The following SRGAP3 variants were observed in gnomAD, a reference collection of about 807,000 sequenced individuals.
The protein encoded by SRGAP3 is SLIT-ROBO Rho GTPase-activating protein 3.
A neutral mutation model predicts 121.1 loss-of-function variants in SRGAP3; 39 were observed. The ratio of observed to expected loss-of-function variants is 0.32; its 90% CI spans 0.25 to 0.42. SRGAP3 has a LOEUF of 0.42. Ranked by LOEUF, SRGAP3 falls within the 10% of genes least tolerant of loss-of-function variation. SRGAP3 has a pLI of 1.00. For missense variants in SRGAP3, 1,213 were observed against 1,470.6 expected, an observed-to-expected ratio of 0.82 and a Z score of 2.86; for synonymous variants, 601 against 570.0, an observed-to-expected ratio of 1.05 and a Z score of -0.77.
intron 1 of SRGAP3, among the ~76,000 whole-genome samples, chr3:9,238,793 C>T (rs1202344467): frequency 6.6e-6 from 1 of 152,122 alleles, no homozygotes; most frequent in African/African-American, 2.4e-5. Context: ...TCCCTCATGG[C>T]CCAGTGTGGT....
intron 1 of SRGAP3, among the ~76,000 whole-genome samples, chr3:9,142,887 G>T (rs1218390459): frequency 1.6e-5 from 2 of 124,996 alleles, no homozygotes; most frequent in Non-Finnish European, 3.2e-5. Context: ...ACCCAGCCTG[G>T]AGTATAGTGG....
At chr3:8,999,545 C>T (rs1023670042) in intron 18 of SRGAP3, among the ~76,000 whole-genome samples, 1 of 152,218 alleles carries the variant, frequency 6.6e-6, no homozygotes, top group African/African-American at 2.4e-5. Flanking sequence ...CTGCCTACCC[C>T]ACCCCCTACT....
chr3:9,043,810 C>T (rs976693608), intron 10 of SRGAP3, among the ~76,000 whole-genome samples: 3 of 152,154 alleles, frequency 2.0e-5, no homozygotes, highest in Non-Finnish European at 4.4e-5. Context: ...AAAGGTCATG[C>T]TCCTTCCCTT....
At chr3:9,099,196 C>T (rs1033291821) in intron 3 of SRGAP3, among the ~76,000 whole-genome samples, 1 of 152,184 alleles carries the variant, frequency 6.6e-6, no homozygotes, top group Non-Finnish European at 1.5e-5. Flanking sequence ...AACGAGAAAA[C>T]TCACTCAAGA....
At chr3:9,100,550 A>G (rs1948176686) in intron 3 of SRGAP3, among the ~76,000 whole-genome samples, 1 of 152,152 alleles carries the variant, frequency 6.6e-6, no homozygotes, top group Non-Finnish European at 1.5e-5. Context: ...AATCACTCAA[A>G]TAAGGACACC....
intron 1 of SRGAP3, among the ~76,000 whole-genome samples, chr3:9,360,642 C>T (rs1036802421): frequency 6.6e-6 from 1 of 152,176 alleles, no homozygotes; most frequent in Admixed American, 6.5e-5. Flanking sequence ...GTGAAAGGCA[C>T]TTCTTACATG....
At chr3:9,015,550 A>G in intron 15 of SRGAP3, 47 bp downstream of exon 15, 1 of 1,611,608 alleles carries the variant, frequency 6.2e-7, no homozygotes, top group South Asian at 1.1e-5. Flanking sequence ...CTCAACTCCA[A>G]CAATGATTTG....
Position 9,211,803 on chromosome 3 carries a change from G to A in SRGAP3, c.67+37082C>T, listed in dbSNP as rs146175134. 9.9e-5 allele frequency among the ~76,000 whole-genome samples: 15 copies of A among 151,886 alleles called. No individual in the cohort carries two copies. The East Asian group carries it at 2.5e-3, about 26-fold the overall frequency. ...CCTTCCTCTCACATCAGCATCCTGA[G>A]TAGCTGGGACTACAGGTGCTCATCA... On this transcript the variant is annotated intron_variant, in intron 1 of 21. Coordinates refer to ENST00000383836, the MANE Select transcript of SRGAP3 (RefSeq NM_014850.4).
chr3:9,166,872 T>C (rs973326770), intron 1 of SRGAP3, among the ~76,000 whole-genome samples: 2 of 152,108 alleles, frequency 1.3e-5, no homozygotes, highest in Non-Finnish European at 2.9e-5. Flanking sequence ...CAAACTGTCT[T>C]CCATTCCATC....
At chr3:9,353,390 C>G (rs1335905193) in intron 1 of SRGAP3, among the ~76,000 whole-genome samples, 1 of 152,256 alleles carries the variant, frequency 6.6e-6, no homozygotes, top group African/African-American at 2.4e-5. Flanking sequence ...AGCTCATGAC[C>G]TTCTTCCAGT....
chr3:8,989,687 A>C (rs1446075510), intron 21 of SRGAP3, among the ~76,000 whole-genome samples: 1 of 152,154 alleles, frequency 6.6e-6, no homozygotes, highest in Non-Finnish European at 1.5e-5. Context: ...CTGTCAAAAA[A>C]CCCATGAAAC....
At chr3:9,052,746 T>C (rs1216577713) in intron 9 of SRGAP3, among the ~76,000 whole-genome samples, 1 of 152,210 alleles carries the variant, frequency 6.6e-6, no homozygotes, top group Non-Finnish European at 1.5e-5. Context: ...AGCCATTTTC[T>C]TATCACCCCA....
intron 2 of SRGAP3, among the ~76,000 whole-genome samples, chr3:9,329,304 T>C (rs1324558577): frequency 6.6e-6 from 1 of 152,218 alleles, no homozygotes; most frequent in Non-Finnish European, 1.5e-5. Flanking sequence ...TTTGCCGGCA[T>C]GCCAGGCTTC....
chr3:9,313,299 G>A (rs1211860557), intron 3 of SRGAP3, among the ~76,000 whole-genome samples: 1 of 152,184 alleles, frequency 6.6e-6, no homozygotes, highest in African/African-American at 2.4e-5. Context: ...TCTCAATGAA[G>A]TCTTCACTTC....
chr3:9,114,483 G>C (rs948569690), intron 2 of SRGAP3, among the ~76,000 whole-genome samples: 4 of 152,142 alleles, frequency 2.6e-5, no homozygotes, highest in Non-Finnish European at 5.9e-5. Context: ...TCAATGCTCA[G>C]TGCAAATGTC....
chr3:9,237,597 A>T (rs1330794798), intron 1 of SRGAP3, among the ~76,000 whole-genome samples: 1 of 152,252 alleles, frequency 6.6e-6, no homozygotes, highest in African/African-American at 2.4e-5. Context: ...AGAAGGAGCC[A>T]ATCAAGTGGC....
intron 3 of SRGAP3, among the ~76,000 whole-genome samples, chr3:9,305,312 G>T (rs1955138142): frequency 6.7e-6 from 1 of 150,160 alleles, no homozygotes; most frequent in African/African-American, 2.5e-5. Flanking sequence ...GAACGCTGCG[G>T]TGTAACAGGG....
intron 3 of SRGAP3, among the ~76,000 whole-genome samples, chr3:9,320,948 A>G (rs1450592897): frequency 6.6e-6 from 1 of 152,068 alleles, no homozygotes; most frequent in Admixed American, 6.5e-5. Context: ...TAATATATAC[A>G]TTTTTTAAAG....
At chr3:9,116,981 G>C (rs1367601503) in intron 2 of SRGAP3, among the ~76,000 whole-genome samples, 1 of 152,192 alleles carries the variant, frequency 6.6e-6, no homozygotes, top group East Asian at 1.9e-4. Flanking sequence ...TGGATGTGTG[G>C]GGTGCTTGGA....
Sources: gnomAD v4.1 joint callset for allele counts (sites outside exome capture counted in the v4.1 genomes callset) on GRCh38, gnomAD v4.1.1 for gene constraint, MANE v1.5 for transcripts, NCBI Gene and HGNC (gene_info 2026-07-23, HGNC 2026-07-21) for gene names.